The following HACE1 variants were observed in gnomAD, a reference collection of about 807,000 sequenced individuals.
HACE1 encodes the protein E3 ubiquitin-protein ligase HACE1.
A neutral mutation model predicts 118.4 loss-of-function variants in HACE1; 73 were observed. The ratio of observed to expected loss-of-function variants is 0.62; its 90% CI spans 0.51 to 0.75. The LOEUF is 0.75. Ranked by LOEUF, HACE1 falls within the 30% of genes least tolerant of loss-of-function variation. The pLI is 0.00. For missense variants in HACE1, 749 were observed against 1,102.2 expected (o/e 0.68, Z 4.54); for synonymous variants, 368 against 374.8 (o/e 0.98, Z 0.21).
At chr6:104,784,542 GC>G (rs1782136759) in intron 12 of HACE1, 57 bp from the exon 13 acceptor site, 1 of 1,181,888 alleles carries the variant, frequency 8.5e-7, no homozygotes, top group African/African-American at 1.5e-5. Context: ...ATATAATATA[GC>G]GAACTTGATA....
In HACE1 at chr6:104,777,295, C is replaced by T; in HGVS notation, c.1589G>A (p.Trp530Ter). 1 of 1,611,538 alleles carries T rather than the reference C, an allele frequency of 6.2e-7. No individual in the cohort carries two copies. The highest frequency in any genetic ancestry group is 1.1e-5 in the South Asian group (1 of 91,058). The change falls in exon 15 of 24, where the codon TGG becomes TAG. Residue 530 changes from tryptophan (W) to a stop codon, truncating the protein, a stop_gained. Transcript: ENST00000262903. LOFTEE classifies it high-confidence loss of function. ...KAQPFKDRCEWFYEHLHSGQP... is the reference protein window; with the variant it reads ...KAQPFKDRCE ...TCCTGAATGCAAATGTTCATAGAAC[C>T]ATTCACAGCGATCTTTAAAAGGCTA... is the stretch of plus-strand genomic sequence containing the variant.
chr6:104,824,946 G>C, intron 6 of HACE1: 1 of 151,952 alleles, frequency 6.6e-6, no homozygotes, highest in Non-Finnish European at 1.5e-5. Context: ...AGCCGGGCGT[G>C]GTGGCGGGCG....
chr6:104,816,357 G>T (rs182056432), intron 6 of HACE1, among the ~76,000 whole-genome samples: 1 of 152,182 alleles, frequency 6.6e-6, no homozygotes, highest in African/African-American at 2.4e-5. Flanking sequence ...GTGCAGCTTC[G>T]GGACTTAGTG....
At chr6:104,735,666 C>T (rs1775750889) in intron 22 of HACE1, among the ~76,000 whole-genome samples, 1 of 151,886 alleles carries the variant, frequency 6.6e-6, no homozygotes, top group Non-Finnish European at 1.5e-5. Flanking sequence ...ATACCCTGTG[C>T]TGATAAAAGG....
At chr6:104,785,887 A>T (rs1162431188) in intron 11 of HACE1, 1 of 152,566 alleles carries the variant, frequency 6.6e-6, no homozygotes, top group East Asian at 1.9e-4. Flanking sequence ...TGCTCCTTTC[A>T]TTACATATAA....
chr6:104,806,471 A>G (rs1335228889), intron 7 of HACE1, among the ~76,000 whole-genome samples: 1 of 152,112 alleles, frequency 6.6e-6, no homozygotes, highest in Non-Finnish European at 1.5e-5. Flanking sequence ...CTAAAAACTA[A>G]TAATTTAAAA....
intron 10 of HACE1, among the ~76,000 whole-genome samples, chr6:104,794,139 A>C (rs1179120937): frequency 6.6e-6 from 1 of 152,194 alleles, no homozygotes; most frequent in Non-Finnish European, 1.5e-5. Flanking sequence ...ATTTTTTTAC[A>C]TGTAAAATGG....
intron 6 of HACE1, among the ~76,000 whole-genome samples, chr6:104,828,760 G>T (rs1430012624): frequency 6.6e-6 from 1 of 151,938 alleles, no homozygotes; most frequent in Non-Finnish European, 1.5e-5. Context: ...TCATATTTAA[G>T]ATTACTCAAG....
At chr6:104,831,991 G>A (rs372611030) in intron 6 of HACE1, among the ~76,000 whole-genome samples, 459 of 43,644 alleles carry the variant, frequency 0.011, no homozygotes, top group East Asian at 0.039. Flanking sequence ...AGGAAGGAAG[G>A]AAGGAAGGAA....
chr6:104,740,380 G>C (rs150296992), intron 22 of HACE1, among the ~76,000 whole-genome samples: 25,796 of 150,738 alleles, frequency 0.17, 2,329 homozygotes, highest in African/African-American at 0.24. Context: ...AATCCAGGAG[G>C]TGGTTTTTTG....
chr6:104,795,884 C>T (rs1187255454), intron 9 of HACE1, among the ~76,000 whole-genome samples, 199 bp from the exon 10 acceptor site: 1 of 152,050 alleles, frequency 6.6e-6, no homozygotes, highest in Non-Finnish European at 1.5e-5. Flanking sequence ...CACCCAGTTA[C>T]AAAACAATAG....
Position 104,796,715 on chromosome 6 carries a change from G to A in HACE1, c.756C>T (p.His252=). ...GAATAATAGTCTGAAAAAGCCTCGG[G>A]TGATATTGAATTAATACTTCACAAG... ...GETCEVLIQY[H]PRLFQTIIQM... is the part of the protein sequence containing the mutation. The change falls in exon 9 of 24, where the codon CAC becomes CAT. Residue 252 remains histidine (H), a synonymous_variant. Transcript: ENST00000262903. 2 of 1,593,658 alleles carry A rather than the reference G, an allele frequency of 1.3e-6. No homozygotes were observed. The highest frequency in any genetic ancestry group is 1.7e-6 in the Non-Finnish European group (2 of 1,162,354).
At chr6:104,812,728 C>T (rs1018354354) in intron 6 of HACE1, among the ~76,000 whole-genome samples, 1 of 152,078 alleles carries the variant, frequency 6.6e-6, no homozygotes, top group African/African-American at 2.4e-5. Context: ...CAACTCAATT[C>T]TTACTACAGA....
At chr6:104,837,256 G>A (rs759818728) in intron 5 of HACE1, among the ~76,000 whole-genome samples, 1 of 152,170 alleles carries the variant, frequency 6.6e-6, no homozygotes, top group Non-Finnish European at 1.5e-5. Context: ...TACAGTAATC[G>A]AGACAGTGTG....
At chr6:104,783,660 A>C (rs1347752805) in intron 14 of HACE1, among the ~76,000 whole-genome samples, 2 of 152,224 alleles carry the variant, frequency 1.3e-5, no homozygotes, top group Non-Finnish European at 2.9e-5. Context: ...GGTCAGGTCA[A>C]ATAAGTTAGG....
chr6:104,745,266 A>G (rs890266248), intron 20 of HACE1, among the ~76,000 whole-genome samples: 4 of 152,160 alleles, frequency 2.6e-5, no homozygotes, highest in African/African-American at 7.2e-5. Flanking sequence ...TCTCAATCGT[A>G]TAAGTAAAAA....
At position 104,784,086 on chromosome 6, in the gene HACE1, C is replaced by T. The variant is rs1488166173; in HGVS notation, c.1566G>A (p.Gln522=). 1 of 1,507,818 alleles carries T rather than the reference C, an allele frequency of 6.6e-7. No individual in the cohort carries two copies. The highest frequency in any genetic ancestry group is 9.2e-7 in the Non-Finnish European group (1 of 1,083,658). The allele number at this position is 1,507,818 out of a possible 1,614,324, so 93.4% of individuals were successfully genotyped here. The part of the protein sequence containing the change: ...MSRFMHIIKA[Q]PFKDRCEWFY... Reference sequence around the variant, plus strand: ...TAAAAAGATGAAGAAAAATTTCTACCTGTGCTTTTATGATATGCATGAATC... The same window carrying T: ...TAAAAAGATGAAGAAAAATTTCTACTTGTGCTTTTATGATATGCATGAATC... The change falls in exon 14 of 24, where the codon CAG becomes CAA. Residue 522 remains glutamine, a splice_region_variant and synonymous_variant. Coordinates refer to ENST00000262903, the MANE Select transcript of HACE1 (RefSeq NM_020771.4).
Position 104,854,086 on chromosome 6 carries a change from A to G in HACE1, c.77-1715T>C, listed in dbSNP as rs74535671. Among the ~76,000 whole-genome samples the G allele has an allele frequency of 1.2e-4, 19 of 152,294 alleles. No homozygotes were observed. In the East Asian group the frequency reaches 3.5e-3, roughly 28 times the overall value. ...AAAGCAAAGCTGCAGATGAGGGTGGACTACTGTTCTTGCCAAAAATGCATA... is the reference window on the plus strand; with the variant it reads ...AAAGCAAAGCTGCAGATGAGGGTGGGCTACTGTTCTTGCCAAAAATGCATA... On this transcript the variant is annotated intron_variant, in intron 1 of 23. Coordinates refer to ENST00000262903, the MANE Select transcript of HACE1 (RefSeq NM_020771.4).
chr6:104,820,351 TA>T (rs1436187886), intron 6 of HACE1, among the ~76,000 whole-genome samples: 2 of 152,254 alleles, frequency 1.3e-5, no homozygotes, highest in East Asian at 3.9e-4. Flanking sequence ...GGGATCTAAT[TA>T]AACTAAAGAG....
Sources: allele counts gnomAD v4.1 joint callset (sites outside exome capture counted in the v4.1 genomes callset), GRCh38; gene constraint gnomAD v4.1.1; transcripts MANE v1.5; gene names NCBI Gene and HGNC (gene_info 2026-07-23, HGNC 2026-07-21).